The following COX10 variants were observed in gnomAD, a reference collection of about 807,000 sequenced individuals.
COX10 encodes the protein cytochrome c oxidase assembly factor heme A:farnesyltransferase COX10.
A neutral mutation model predicts 37.3 loss-of-function variants in COX10; 27 were observed. That is an observed-to-expected ratio of 0.72 (90% CI 0.53 to 1.00). The LOEUF is 1.00. Among genes scored for constraint, COX10 ranks in the 50% least tolerant of loss-of-function variants. The pLI is 0.00. For missense variants in COX10, 475 were observed against 563.2 expected, an observed-to-expected ratio of 0.84 and a Z score of 1.59; for synonymous variants, 222 against 229.1, an observed-to-expected ratio of 0.97 and a Z score of 0.28.
At chr17:14,104,947 C>A (rs1332216485) in intron 4 of COX10, among the ~76,000 whole-genome samples, 1 of 152,042 alleles carries the variant, frequency 6.6e-6, no homozygotes, top group Non-Finnish European at 1.5e-5. Flanking sequence ...CATATGCCTT[C>A]AAAGGATGGA....
At chr17:14,101,862 A>G (rs1481180994) in intron 3 of COX10, among the ~76,000 whole-genome samples, 2 of 152,248 alleles carry the variant, frequency 1.3e-5, no homozygotes, top group Non-Finnish European at 2.9e-5. Flanking sequence ...GAATGATTGA[A>G]TCTGGAAGAC....
At chr17:14,160,091 C>A in intron 5 of COX10, 144 bp downstream of exon 5, 1 of 755,396 alleles carries the variant, frequency 1.3e-6, no homozygotes, top group Non-Finnish European at 2.3e-6. Flanking sequence ...AAATGCAATA[C>A]TTTCCACCTC....
intron 4 of COX10, among the ~76,000 whole-genome samples, chr17:14,120,827 T>C (rs1916213611): frequency 6.6e-6 from 1 of 152,226 alleles, no homozygotes; most frequent in South Asian, 2.1e-4. Context: ...CCAAGATTTG[T>C]GGAAGTTTGG....
intron 4 of COX10, among the ~76,000 whole-genome samples, chr17:14,155,243 G>T (rs185340497): frequency 6.6e-6 from 1 of 150,990 alleles, no homozygotes; most frequent in East Asian, 2.0e-4. Flanking sequence ...AACAAAAAAA[G>T]AATCTGGAGA....
At chr17:14,082,187 G>A (rs988499730) in intron 3 of COX10, among the ~76,000 whole-genome samples, 2 of 152,148 alleles carry the variant, frequency 1.3e-5, no homozygotes, top group East Asian at 3.9e-4. Context: ...ATTGGGTAAG[G>A]TATATAATGG....
At chr17:14,192,358 T>C in intron 6 of COX10, 137 bp downstream of exon 6, 1 of 1,613,492 alleles carries the variant, frequency 6.2e-7, no homozygotes, top group Non-Finnish European at 8.5e-7. Flanking sequence ...TGTGGCAGAC[T>C]GAAATTTTGT....
chr17:14,143,600 TGA>T, intron 4 of COX10, among the ~76,000 whole-genome samples: 2 of 152,248 alleles, frequency 1.3e-5, no homozygotes, highest in South Asian at 4.1e-4. Flanking sequence ...ATCTCCTCTC[TGA>T]CCAAATCACT....
intron 4 of COX10, among the ~76,000 whole-genome samples, chr17:14,156,007 C>T (rs1034523270): frequency 2.6e-5 from 4 of 152,120 alleles, no homozygotes; most frequent in Non-Finnish European, 4.4e-5. Flanking sequence ...CTCTCTGTGA[C>T]CCTTGTCTAC....
intron 4 of COX10, among the ~76,000 whole-genome samples, chr17:14,119,965 A>G (rs1315885030): frequency 6.6e-6 from 1 of 152,172 alleles, no homozygotes; most frequent in African/African-American, 2.4e-5. Context: ...CATGCTCTAG[A>G]CAAAAGGTGA....
chr17:14,074,600 G>A (rs552157137), intron 2 of COX10, 144 bp downstream of exon 2: 1 of 831,682 alleles, frequency 1.2e-6, no homozygotes, highest in East Asian at 2.5e-5. Flanking sequence ...TTATCCAAAT[G>A]TCTTGTTTTG....
At chr17:14,142,415 A>G (rs1021937383) in intron 4 of COX10, among the ~76,000 whole-genome samples, 1 of 152,192 alleles carries the variant, frequency 6.6e-6, no homozygotes, top group Non-Finnish European at 1.5e-5. Context: ...ACCAAATGCC[A>G]TTTATCTAAA....
intron 3 of COX10, among the ~76,000 whole-genome samples, chr17:14,086,195 T>C (rs1189073372): frequency 1.3e-5 from 2 of 152,142 alleles, no homozygotes; most frequent in East Asian, 1.9e-4. Flanking sequence ...TATTTTCTTA[T>C]GAGTTTCTGG....
intron 4 of COX10, among the ~76,000 whole-genome samples, chr17:14,128,439 TA>T (rs1916392102): frequency 6.6e-6 from 1 of 152,198 alleles, no homozygotes; most frequent in African/African-American, 2.4e-5. Flanking sequence ...GACTTAATTA[TA>T]TTACCTGTGT....
At chr17:14,126,183 T>G (rs983009460) in intron 4 of COX10, among the ~76,000 whole-genome samples, 3 of 152,194 alleles carry the variant, frequency 2.0e-5, no homozygotes, top group Non-Finnish European at 2.9e-5. Context: ...ATGTTTAGCT[T>G]GAAGGCACTT....
intron 3 of COX10, among the ~76,000 whole-genome samples, chr17:14,089,917 C>T (rs1201660196): frequency 6.6e-6 from 1 of 152,110 alleles, no homozygotes; most frequent in East Asian, 1.9e-4. Flanking sequence ...TTACTGTCAG[C>T]ACACTGCCTT....
intron 5 of COX10, among the ~76,000 whole-genome samples, chr17:14,168,473 G>A (rs1905356494): frequency 6.6e-6 from 1 of 152,202 alleles, no homozygotes; most frequent in South Asian, 2.1e-4. Context: ...CTCTATATGG[G>A]GGCTCCAACC....
intron 4 of COX10, among the ~76,000 whole-genome samples, chr17:14,147,881 C>T (rs867063502): frequency 2.4e-4 from 37 of 151,754 alleles, no homozygotes; most frequent in Middle Eastern, 3.4e-3. Context: ...TCTCACTATC[C>T]AGAGACAAGG....
intron 5 of COX10, among the ~76,000 whole-genome samples, chr17:14,163,236 A>AATTTATTT (rs56320518): frequency 0.18 from 25,933 of 146,206 alleles, 2,454 homozygotes; most frequent in South Asian, 0.19. Context: ...AAGACAGGAA[A>AATTTATTT]ATTTATTTAT....
intron 4 of COX10, among the ~76,000 whole-genome samples, chr17:14,116,337 A>G (rs567345929): frequency 4.6e-5 from 7 of 152,250 alleles, no homozygotes; most frequent in African/African-American, 1.4e-4. Flanking sequence ...ATGTATTTCA[A>G]AGATACATTT....
Sources: gnomAD v4.1 joint callset for allele counts (sites outside exome capture counted in the v4.1 genomes callset) on GRCh38, gnomAD v4.1.1 for gene constraint, MANE v1.5 for transcripts, NCBI Gene and HGNC (gene_info 2026-07-23, HGNC 2026-07-21) for gene names.